ZNRF1: variants seen among roughly 807,000 people sequenced by gnomAD.
ZNRF1 encodes zinc and ring finger 1.
In ZNRF1, 3 loss-of-function variants were observed where a neutral mutation model predicts 18.4. The ratio of observed to expected loss-of-function variants is 0.16; its 90% CI spans 0.07 to 0.42. The LOEUF is 0.42. Among genes scored for constraint, ZNRF1 ranks in the 10% least tolerant of loss-of-function variants. The pLI is 0.99. For missense variants in ZNRF1, 310 were observed against 329.8 expected, an observed-to-expected ratio of 0.94 and a Z score of 0.47; for synonymous variants, 157 against 144.2, an observed-to-expected ratio of 1.09 and a Z score of -0.64.
intron 1 of ZNRF1, among the ~76,000 whole-genome samples, chr16:75,015,266 A>T (rs941261216): frequency 6.6e-6 from 1 of 152,170 alleles, no homozygotes; most frequent in African/African-American, 2.4e-5. Flanking sequence ...AAAAATTTGC[A>T]CTTTGTATTT....
chr16:75,081,436 A>G (rs991547539), intron 1 of ZNRF1, among the ~76,000 whole-genome samples: 11 of 152,196 alleles, frequency 7.2e-5, no homozygotes, highest in Admixed American at 2.6e-4. Context: ...TTACCTAGAG[A>G]GCAGTTTTTA....
chr16:75,033,859 A>G (rs2035340724), intron 1 of ZNRF1, among the ~76,000 whole-genome samples: 1 of 152,128 alleles, frequency 6.6e-6, no homozygotes, highest in African/African-American at 2.4e-5. Flanking sequence ...CATAAAAATT[A>G]CCCTTGGCCA....
chr16:75,053,189 A>C (rs1208316844), intron 1 of ZNRF1, among the ~76,000 whole-genome samples: 1 of 152,228 alleles, frequency 6.6e-6, no homozygotes, highest in Non-Finnish European at 1.5e-5. Flanking sequence ...GGGTGGCTAG[A>C]ACCTTAAAGT....
At chr16:75,027,725 C>G (rs1197620127) in intron 1 of ZNRF1, among the ~76,000 whole-genome samples, 3 of 152,108 alleles carry the variant, frequency 2.0e-5, no homozygotes, top group Non-Finnish European at 2.9e-5. Flanking sequence ...TGGTTAAATC[C>G]AAATCTCTGC....
At chr16:75,002,484 A>G (rs1239151896) in intron 1 of ZNRF1, 2 of 152,220 alleles carry the variant, frequency 1.3e-5, no homozygotes, top group Non-Finnish European at 2.9e-5. Context: ...TGTGTTTTCA[A>G]GGTGCTCTTG....
intron 1 of ZNRF1, among the ~76,000 whole-genome samples, chr16:75,022,565 C>G (rs1270164395): frequency 7.8e-6 from 1 of 127,686 alleles, no homozygotes; most frequent in South Asian, 2.5e-4. Flanking sequence ...GACTCCGTCT[C>G]AAAAAAAAAA....
chr16:75,001,850 A>G (rs2034853936), intron 1 of ZNRF1, among the ~76,000 whole-genome samples: 4 of 152,202 alleles, frequency 2.6e-5, no homozygotes, highest in Admixed American at 2.6e-4. Flanking sequence ...GTTGGATTCC[A>G]GAATTTCACT....
chr16:75,020,795 G>C (rs2035136487), intron 1 of ZNRF1, among the ~76,000 whole-genome samples: 1 of 152,080 alleles, frequency 6.6e-6, no homozygotes, highest in Non-Finnish European at 1.5e-5. Context: ...GCTGCCCTCG[G>C]CCTCCCAAAG....
At chr16:75,059,201 C>G (rs1349817155) in intron 1 of ZNRF1, among the ~76,000 whole-genome samples, 2 of 144,802 alleles carry the variant, frequency 1.4e-5, no homozygotes, top group Non-Finnish European at 3.0e-5. Context: ...TTTTCTTTTC[C>G]TTTCCTTCCT....
chr16:75,058,846 C>T (rs780175369), intron 1 of ZNRF1, among the ~76,000 whole-genome samples: 18 of 152,172 alleles, frequency 1.2e-4, no homozygotes, highest in Non-Finnish European at 2.5e-4. Flanking sequence ...CCAGGAGATG[C>T]GCTGGGCTTT....
At chr16:75,094,557 T>C (rs866573664) in intron 2 of ZNRF1, among the ~76,000 whole-genome samples, 1 of 152,160 alleles carries the variant, frequency 6.6e-6, no homozygotes, top group Non-Finnish European at 1.5e-5. Context: ...TGGATAGCAA[T>C]ACTTGGTTCA....
rs540284052 is a variant in ZNRF1, at chr16:75,063,927, T to C, written c.425-29645T>C. Among the ~76,000 whole-genome samples the C allele has an allele frequency of 2.0e-5, 3 of 152,328 alleles. No individual in the cohort carries two copies. In the South Asian group the frequency reaches 6.2e-4, roughly 32 times the overall value. Reference sequence around the variant, plus strand: ...GTGGCACTAGAGAAGTGTTGGAGAATATGGAGCCAGTCTCCTGGCTTAGGA... The same window carrying C: ...GTGGCACTAGAGAAGTGTTGGAGAACATGGAGCCAGTCTCCTGGCTTAGGA... On this transcript the variant is annotated intron_variant, in intron 1 of 4. Coordinates refer to ENST00000335325, the MANE Select transcript of ZNRF1 (RefSeq NM_032268.5).
chr16:75,085,546 A>G (rs1310372076), intron 1 of ZNRF1, among the ~76,000 whole-genome samples: 1 of 152,198 alleles, frequency 6.6e-6, no homozygotes, highest in Non-Finnish European at 1.5e-5. Context: ...GGGTAAATAC[A>G]TAGATGAGAA....
intron 2 of ZNRF1, among the ~76,000 whole-genome samples, chr16:75,097,409 C>T (rs544041265): frequency 6.6e-6 from 1 of 152,132 alleles, no homozygotes; most frequent in South Asian, 2.1e-4. Flanking sequence ...CAGCTGTGTT[C>T]TGGGGGAGCA....
At chr16:75,078,413 C>G (rs1056969447) in intron 1 of ZNRF1, among the ~76,000 whole-genome samples, 4 of 151,356 alleles carry the variant, frequency 2.6e-5, no homozygotes, top group African/African-American at 9.7e-5. Context: ...ATTCTCCTGC[C>G]TCAGCCTCCC....
At chr16:75,057,721 C>T (rs938662307) in intron 1 of ZNRF1, among the ~76,000 whole-genome samples, 5 of 152,166 alleles carry the variant, frequency 3.3e-5, no homozygotes, top group Admixed American at 2.0e-4. Flanking sequence ...CTGCAACTTC[C>T]GTCTCCCGGG....
At chr16:75,022,571 A>C (rs968901735) in intron 1 of ZNRF1, among the ~76,000 whole-genome samples, 6 of 152,136 alleles carry the variant, frequency 3.9e-5, no homozygotes, top group African/African-American at 1.4e-4. Flanking sequence ...GTCTCAAAAA[A>C]AAAACAAAAC....
chr16:75,006,627 G>T (rs915522222), intron 1 of ZNRF1, among the ~76,000 whole-genome samples: 2 of 152,108 alleles, frequency 1.3e-5, no homozygotes, highest in African/African-American at 4.8e-5. Context: ...GTAGAGACAG[G>T]GTTTCACCAT....
Position 75,101,436 on chromosome 16 carries a change from C to G in ZNRF1, c.521-3348C>G, listed in dbSNP as rs906626205. 2.6e-5 allele frequency among the ~76,000 whole-genome samples: 4 copies of G among 152,098 alleles called. No individual in the cohort carries two copies. The South Asian group carries it at 8.3e-4, about 31-fold the overall frequency. On this transcript the variant is annotated intron_variant, in intron 2 of 4. Coordinates refer to ENST00000335325, the MANE Select transcript of ZNRF1 (RefSeq NM_032268.5). ...GGGTGTGGTGGCATGCACCTGTAGTCCCAGCTACTTAGTAGGCTGAGGCAG... is the reference window on the plus strand; with the variant it reads ...GGGTGTGGTGGCATGCACCTGTAGTGCCAGCTACTTAGTAGGCTGAGGCAG...
Sources: allele counts gnomAD v4.1 joint callset (sites outside exome capture counted in the v4.1 genomes callset), GRCh38; gene constraint gnomAD v4.1.1; transcripts MANE v1.5; gene names NCBI Gene and HGNC (gene_info 2026-07-23, HGNC 2026-07-21).